Variants in CCDC50 observed in about 807,000 individuals in gnomAD.
The protein encoded by CCDC50 is coiled-coil domain-containing protein 50.
CCDC50 carries 54 observed loss-of-function variants against 70.2 expected under a neutral mutation model. That is an observed-to-expected ratio of 0.77 (90% CI 0.62 to 0.96). The LOEUF (loss-of-function observed/expected upper bound fraction) is 0.96. Among genes scored for constraint, CCDC50 ranks in the 50% least tolerant of loss-of-function variants. The pLI, the probability that CCDC50 is intolerant of heterozygous loss-of-function variation, is 0.00. For missense variants in CCDC50, 558 were observed against 578.7 expected, an observed-to-expected ratio of 0.96 and a Z score of 0.37; for synonymous variants, 216 against 198.8, an observed-to-expected ratio of 1.09 and a Z score of -0.73.
chr3:191,375,649 A>T, intron 6 of CCDC50, 60 bp downstream of exon 6: 2 of 1,542,814 alleles, frequency 1.3e-6, no homozygotes, highest in Non-Finnish European at 1.8e-6. Context: ...CAAACCAATG[A>T]ATTTAATAAG....
intron 1 of CCDC50, among the ~76,000 whole-genome samples, chr3:191,340,092 C>T (rs533504351): frequency 6.6e-6 from 1 of 152,298 alleles, no homozygotes; most frequent in East Asian, 1.9e-4. Context: ...ACTAAATCAA[C>T]TACATTTCAT....
intron 10 of CCDC50, among the ~76,000 whole-genome samples, chr3:191,385,528 TC>T (rs1460986306): frequency 5.9e-5 from 9 of 152,208 alleles, no homozygotes; most frequent in Non-Finnish European, 1.2e-4. Context: ...TTGTTTAACT[TC>T]CCTAAAGAGT....
rs1041157879 is a variant in CCDC50 at position 191,329,487 on chromosome 3, G to A, written c.-188G>A. The stretch of plus-strand genomic sequence containing the variant: ...AGCTGGGCCGCCAGCTTGGTGCCTC[G>A]GGGACCGTCTCCCGCTGCTTTGGTC... On this transcript the variant is annotated 5_prime_UTR_variant, in exon 1 of 12. Transcript: ENST00000392455. 1.9e-6 allele frequency: 1 copy of A among 517,520 alleles called. No individual in the cohort carries two copies. The highest frequency in any genetic ancestry group is 3.3e-6 in the Non-Finnish European group (1 of 300,236). The allele number at this position is 517,520 out of a possible 1,614,324, so 32.1% of individuals were successfully genotyped here. A position where few individuals can be genotyped will look rare whatever the true frequency, so the allele number is the denominator to read the frequency against.
chr3:191,370,402 T>C (rs1020364908), intron 5 of CCDC50: 3 of 281,576 alleles, frequency 1.1e-5, no homozygotes, highest in East Asian at 9.1e-5. Flanking sequence ...GTGTGATGTT[T>C]GCCTTCCTGT....
chr3:191,343,867 C>A (rs535135128), intron 1 of CCDC50, among the ~76,000 whole-genome samples: 1 of 152,320 alleles, frequency 6.6e-6, no homozygotes, highest in South Asian at 2.1e-4. Context: ...ATGTTGAATA[C>A]CTGGTTCACT....
At chr3:191,343,138 A>G (rs1711790245) in intron 1 of CCDC50, among the ~76,000 whole-genome samples, 1 of 152,200 alleles carries the variant, frequency 6.6e-6, no homozygotes, top group Non-Finnish European at 1.5e-5. Context: ...GCCAACTGCA[A>G]GAAGTGAGTA....
intron 1 of CCDC50, among the ~76,000 whole-genome samples, chr3:191,341,361 C>T (rs1282305391): frequency 6.6e-6 from 1 of 152,102 alleles, no homozygotes; most frequent in Non-Finnish European, 1.5e-5. Flanking sequence ...AACATTTATC[C>T]TTATTTTACA....
At chr3:191,366,089 G>A (rs1167319627) in intron 4 of CCDC50, among the ~76,000 whole-genome samples, 4 of 152,080 alleles carry the variant, frequency 2.6e-5, no homozygotes, top group African/African-American at 9.7e-5. Flanking sequence ...GGGATCCTCT[G>A]GGTGCCACTG....
At chr3:191,363,069 T>C (rs1297669231) in intron 4 of CCDC50, among the ~76,000 whole-genome samples, 1 of 84,824 alleles carries the variant, frequency 1.2e-5, no homozygotes, top group Non-Finnish European at 2.0e-5. Flanking sequence ...ACTGCTGTCC[T>C]GTGGGGTTTT....
At chr3:191,329,788 C>T (rs1717888107) in intron 1 of CCDC50, 65 bp downstream of exon 1, 1 of 1,549,536 alleles carries the variant, frequency 6.5e-7, no homozygotes, top group East Asian at 2.3e-5. Context: ...TCTCTCAGGT[C>T]AGGGGCGTTG....
intron 5 of CCDC50, among the ~76,000 whole-genome samples, chr3:191,373,487 G>GACTTC (rs1317006855): frequency 6.6e-6 from 1 of 152,036 alleles, no homozygotes; most frequent in Non-Finnish European, 1.5e-5. Flanking sequence ...CTGGAAGGTG[G>GACTTC]ACTTCACTTG....
At chr3:191,358,241 T>C in intron 3 of CCDC50, 117 bp downstream of exon 3, 2 of 1,282,290 alleles carry the variant, frequency 1.6e-6, no homozygotes, top group Non-Finnish European at 2.2e-6. Flanking sequence ...TACTGTTAGA[T>C]TACAAATCTT....
intron 9 of CCDC50, 147 bp from the exon 10 acceptor site, chr3:191,382,599 C>T (rs1713356671): frequency 1.6e-6 from 1 of 613,132 alleles, no homozygotes; most frequent in Non-Finnish European, 2.9e-6. Flanking sequence ...ATTTTATGTT[C>T]CTCAATTAAA....
intron 5 of CCDC50, among the ~76,000 whole-genome samples, chr3:191,374,747 T>C (rs536826876): frequency 3.3e-5 from 5 of 152,326 alleles, no homozygotes; most frequent in African/African-American, 1.2e-4. Flanking sequence ...GAACTTAATG[T>C]TTAATGGCTA....
chr3:191,353,789 G>T (rs565639978), intron 1 of CCDC50, among the ~76,000 whole-genome samples: 1 of 104,238 alleles, frequency 9.6e-6, no homozygotes, highest in South Asian at 2.7e-4. Context: ...CCTCCGAAGG[G>T]CAAAGTCAGT....
chr3:191,378,710 C>T (rs1713200745), intron 6 of CCDC50, among the ~76,000 whole-genome samples: 1 of 149,570 alleles, frequency 6.7e-6, no homozygotes. Flanking sequence ...TCAGATGGTC[C>T]ACTCTTGGGA....
intron 9 of CCDC50, among the ~76,000 whole-genome samples, chr3:191,382,125 C>T (rs415424): frequency 0.013 from 1,916 of 152,138 alleles, 11 homozygotes; most frequent in Non-Finnish European, 0.019. Context: ...AGATTCTTTG[C>T]TACCTTAACT....
intron 11 of CCDC50, among the ~76,000 whole-genome samples, chr3:191,389,867 T>TTTC (rs1713622949): frequency 1.4e-5 from 2 of 140,872 alleles, no homozygotes; most frequent in African/African-American, 5.3e-5. Flanking sequence ...TTTTTTTTTT[T>TTTC]TTTTTTTTTT....
Position 191,350,816 on chromosome 3 carries a change from G to A in CCDC50, c.50-6272G>A, listed in dbSNP as rs765702865. Among the ~76,000 whole-genome samples the A allele has an allele frequency of 2.8e-5, 4 of 142,044 alleles. 1 individual carries two copies. The highest frequency in any genetic ancestry group is 6.3e-5 in the Non-Finnish European group (4 of 63,048). 93.2% of individuals were successfully genotyped at this position (142,044 alleles called of 152,430 possible). A position where few individuals can be genotyped will look rare whatever the true frequency, so the allele number is the denominator to read the frequency against. On this transcript the variant is annotated intron_variant, in intron 1 of 11. Coordinates refer to ENST00000392455, the MANE Select transcript of CCDC50 (RefSeq NM_178335.3). ...TTAGATTTGGTTAATCTTGTGCAGA[G>A]CTTTTAAACTTTTGAGCAGAGTTAG...
Sources: allele counts gnomAD v4.1 joint callset (sites outside exome capture counted in the v4.1 genomes callset), GRCh38; gene constraint gnomAD v4.1.1; transcripts MANE v1.5; gene names NCBI Gene and HGNC (gene_info 2026-07-23, HGNC 2026-07-21).